HDX: variants seen among roughly 807,000 people sequenced by gnomAD.
HDX encodes chromosome X open reading frame 43.
In HDX, 19 loss-of-function variants were observed where a neutral mutation model predicts 45.2. The ratio of observed to expected loss-of-function variants is 0.42; its 90% CI spans 0.29 to 0.62. The LOEUF (loss-of-function observed/expected upper bound fraction) is 0.62. HDX is among the 20% of genes least tolerant of loss of function. The pLI, the probability that HDX is intolerant of heterozygous loss-of-function variation, is 0.20. For synonymous variants in HDX, 188 were observed against 172.8 expected (o/e 1.09, Z -0.69); for missense variants, 532 against 493.9 (o/e 1.08, Z -0.73).
At chrX:84,416,241 A>G (rs1371407346) in intron 5 of HDX, among the ~76,000 whole-genome samples, 1 of 111,427 alleles carries the variant, frequency 9.0e-6, no homozygotes, top group African/African-American at 3.3e-5. Flanking sequence ...TTCTAACATC[A>G]TCTTATCGAG....
chrX:84,454,781 G>T (rs889596671), intron 4 of HDX, among the ~76,000 whole-genome samples: 1 of 111,065 alleles, frequency 9.0e-6, no homozygotes, highest in Non-Finnish European at 1.9e-5. Context: ...GTACTGTGCT[G>T]GTTTCAGGTC....
chrX:84,492,117 C>G (rs957935425), intron 1 of HDX, among the ~76,000 whole-genome samples: 36 of 110,824 alleles, frequency 3.2e-4, no homozygotes, highest in African/African-American at 1.2e-3. Flanking sequence ...AGAGAGACTC[C>G]TAGCCTTTTT....
rs2036554409 is a variant in HDX at position 84,319,226 on chromosome X, T to A, written c.*2663A>T. On this transcript the variant is annotated 3_prime_UTR_variant, in exon 11 of 11. Coordinates refer to ENST00000373177, the MANE Select transcript of HDX (RefSeq NM_001177479.2). The stretch of plus-strand genomic sequence containing the variant: ...CAGATAGTAAGGTCTGTTTTAATAA[T>A]CTCAAAGCCCTAAAGAAAGAAACAC... The A allele has an allele frequency of 9.0e-6, 1 of 110,791 alleles. No homozygotes were observed. The highest frequency in any genetic ancestry group is 9.6e-5 in the Admixed American group (1 of 10,391). The allele number at this position is 110,791 out of a possible 1,213,427, so 9.1% of individuals were successfully genotyped here.
At chrX:84,351,153 G>A (rs958643165) in intron 6 of HDX, among the ~76,000 whole-genome samples, 1 of 110,022 alleles carries the variant, frequency 9.1e-6, no homozygotes, top group African/African-American at 3.3e-5. Context: ...TTTTACTCCT[G>A]GGTGGAGTTG....
At chrX:84,406,501 TAC>T (rs200949656) in intron 5 of HDX, among the ~76,000 whole-genome samples, 13,121 of 67,616 alleles carry the variant, frequency 0.19, 824 homozygotes, top group East Asian at 0.6. Flanking sequence ...CACACACACA[TAC>T]ACACACACAC....
chrX:84,411,127 T>G (rs1272117146), intron 5 of HDX, among the ~76,000 whole-genome samples: 2 of 111,673 alleles, frequency 1.8e-5, no homozygotes, highest in Non-Finnish European at 3.8e-5. Context: ...GATTTGTTAA[T>G]ATTTTCTATA....
rs1183261129 is a variant in HDX, at chrX:84,400,339, A to G, written c.1306-38727T>C. On this transcript the variant is annotated intron_variant, in intron 5 of 10. Transcript: ENST00000373177. Reference sequence around the variant, plus strand: ...CAGCCTAAAAACTTTTTAAGCTGATAAGCAACATCAGCGAAATCTCAGGAT... The same window carrying G: ...CAGCCTAAAAACTTTTTAAGCTGATGAGCAACATCAGCGAAATCTCAGGAT... Among the ~76,000 whole-genome samples, 4 of 109,805 alleles carry G rather than the reference A, an allele frequency of 3.6e-5. No homozygotes were observed. In the Admixed American group the frequency reaches 4.0e-4, roughly 11 times the overall value.
intron 4 of HDX, among the ~76,000 whole-genome samples, chrX:84,446,301 A>G (rs781065579): frequency 8.9e-6 from 1 of 112,238 alleles, no homozygotes; most frequent in African/African-American, 3.2e-5. Context: ...CTAATTTCAG[A>G]ATATAAATTG....
At chrX:84,363,000 T>C (rs2037658742) in intron 5 of HDX, among the ~76,000 whole-genome samples, 1 of 111,565 alleles carries the variant, frequency 9.0e-6, no homozygotes, top group Admixed American at 9.6e-5. Context: ...TTAGATTGAA[T>C]ATTTAAAGCA....
chrX:84,427,630 C>T (rs978747082), intron 5 of HDX, among the ~76,000 whole-genome samples: 1 of 111,088 alleles, frequency 9.0e-6, no homozygotes, highest in East Asian at 2.8e-4. Flanking sequence ...TTGGGCATAT[C>T]AACAGTTCAT....
intron 4 of HDX, among the ~76,000 whole-genome samples, chrX:84,443,092 T>G (rs2039797313): frequency 8.9e-6 from 1 of 111,912 alleles, no homozygotes; most frequent in South Asian, 3.6e-4. Context: ...TTTATAATTC[T>G]GTGTCAGCAG....
intron 10 of HDX, among the ~76,000 whole-genome samples, chrX:84,325,748 C>A (rs926684626): frequency 2.7e-5 from 3 of 111,429 alleles, no homozygotes; most frequent in Non-Finnish European, 5.7e-5. Context: ...TAGAAGATGT[C>A]CAAACATCTG....
intron 10 of HDX, among the ~76,000 whole-genome samples, chrX:84,324,961 T>C (rs1402055295): frequency 9.0e-6 from 1 of 111,374 alleles, no homozygotes; most frequent in Non-Finnish European, 1.9e-5. Flanking sequence ...ATAAACACAT[T>C]TTCAGTATGT....
intron 5 of HDX, among the ~76,000 whole-genome samples, chrX:84,391,673 T>C (rs979642963): frequency 1.8e-5 from 2 of 111,824 alleles, no homozygotes; most frequent in African/African-American, 6.5e-5. Context: ...CATCATGGTT[T>C]TGTTTTGCAT....
intron 5 of HDX, among the ~76,000 whole-genome samples, chrX:84,365,478 AGGGTCTGT>A (rs779271225): frequency 4.5e-5 from 5 of 111,433 alleles, no homozygotes; most frequent in African/African-American, 1.6e-4. Context: ...GTAAACAAGC[AGGGTCTGT>A]GGGAGGCAAG....
intron 7 of HDX, among the ~76,000 whole-genome samples, chrX:84,338,460 G>A (rs957388545): frequency 1.8e-5 from 2 of 109,660 alleles, no homozygotes; most frequent in Non-Finnish European, 1.9e-5. Flanking sequence ...CCCCACCCAC[G>A]AGCAGCTATA....
intron 6 of HDX, 36 bp from the exon 7 acceptor site, chrX:84,344,493 CAT>C (rs1442031276): frequency 3.0e-6 from 3 of 1,015,248 alleles, no homozygotes; most frequent in Admixed American, 2.3e-5. Context: ...TTTTTGTAAA[CAT>C]AGAAAACTTA....
chrX:84,371,886 C>A (rs910904125), intron 5 of HDX, among the ~76,000 whole-genome samples: 1 of 112,000 alleles, frequency 8.9e-6, no homozygotes, highest in Non-Finnish European at 1.9e-5. Context: ...ATCTGGTTGG[C>A]TGCCCACTTT....
In HDX at chrX:84,469,505, G is replaced by A. The variant is rs780264741; in HGVS notation, c.218C>T (p.Thr73Ile). The A allele has an allele frequency of 8.3e-6, 10 of 1,206,514 alleles. No individual in the cohort carries two copies. The East Asian group carries it at 1.8e-4, about 21-fold the overall frequency. ...TGTGATGTCTGGAGCTGACAAAGAG[G>A]TTCCTGTTGTTGCTGTTCCAGATTC... ...NSESGTATTG[T>I]SLSAPDITVR... Residue 73 changes from threonine (T) to isoleucine (I), a missense_variant, in exon 4 of 11, where the codon ACC (threonine) becomes ATC (isoleucine). This residue lies in a region of HDX where 376 missense variants were observed against 343.7 expected (regional missense o/e 1.09). Coordinates refer to ENST00000373177, the MANE Select transcript of HDX (RefSeq NM_001177479.2).
Sources: allele counts gnomAD v4.1 joint callset (sites outside exome capture counted in the v4.1 genomes callset), GRCh38; gene constraint gnomAD v4.1.1; regional missense constraint gnomAD v4.1.1; transcripts MANE v1.5; gene names NCBI Gene and HGNC (gene_info 2026-07-23, HGNC 2026-07-21).